Variants in MAN1A1 observed in about 807,000 individuals in gnomAD.
MAN1A1 encodes the protein mannosyl-oligosaccharide 1,2-alpha-mannosidase IA.
In MAN1A1, 29 loss-of-function variants were observed where a neutral mutation model predicts 70.8. That is an observed-to-expected ratio of 0.41 (90% CI 0.31 to 0.56). The LOEUF (loss-of-function observed/expected upper bound fraction) is 0.56, where lower values mean the gene tolerates loss of function less well. Among genes scored for constraint, MAN1A1 ranks in the 20% least tolerant of loss-of-function variants. MAN1A1 has a pLI of 0.29. For missense variants in MAN1A1, 747 were observed against 841.3 expected, an observed-to-expected ratio of 0.89 and a Z score of 1.39; for synonymous variants, 349 against 330.1, an observed-to-expected ratio of 1.06 and a Z score of -0.62.
chr6:119,179,872 G>T lies in MAN1A1; in HGVS notation c.1909C>A (p.Leu637Ile). The T allele has an allele frequency of 5.6e-6, 9 of 1,612,570 alleles. No individual in the cohort carries two copies. Among genetic ancestry groups the T allele is most frequent in the Non-Finnish European group, 5.1e-6 (6 of 1,178,676 alleles). Residue 637 changes from leucine (L) to isoleucine (I), a missense_variant, in exon 13 of 13, where the codon CTT becomes ATT. Leu to Ile is a conservative substitution (Grantham distance 5, BLOSUM62 2). Around this residue, in one of 2 missense-constraint regions of MAN1A1, gnomAD observed 419 missense variants for 548.2 expected, o/e 0.76. Transcript: ENST00000368468. Reference protein sequence around the residue: ...EHWIFNSEAHLLPILPKDKKE... With the variant: ...EHWIFNSEAHILPILPKDKKE... ...TTATCTTTAGGGAGGATAGGGAGAA[G>T]ATGTGCCTCGCTATTGAAGATCCAA... is the stretch of plus-strand genomic sequence containing the variant.
chr6:119,278,437 C>T (rs1335679208), intron 5 of MAN1A1, among the ~76,000 whole-genome samples: 1 of 152,144 alleles, frequency 6.6e-6, no homozygotes, highest in Non-Finnish European at 1.5e-5. Flanking sequence ...TTTCCCTCTG[C>T]TTTTTGTTTA....
At chr6:119,339,005 T>C (rs1221596724) in intron 2 of MAN1A1, among the ~76,000 whole-genome samples, 1 of 152,180 alleles carries the variant, frequency 6.6e-6, no homozygotes, top group African/African-American at 2.4e-5. Flanking sequence ...TCTGCCATCT[T>C]CTCTATCTTC....
chr6:119,193,929 G>C, intron 8 of MAN1A1, 37 bp from the exon 9 acceptor site: 1 of 1,370,888 alleles, frequency 7.3e-7, no homozygotes. Flanking sequence ...GAGTGATTCA[G>C]CTTTTAATTC....
At chr6:119,221,605 A>C (rs1332108291) in intron 6 of MAN1A1, among the ~76,000 whole-genome samples, 1 of 151,514 alleles carries the variant, frequency 6.6e-6, no homozygotes, top group Non-Finnish European at 1.5e-5. Flanking sequence ...CCCCAATACA[A>C]AAAAATACAG....
intron 7 of MAN1A1, among the ~76,000 whole-genome samples, chr6:119,203,105 C>T (rs973178734): frequency 1.3e-5 from 2 of 152,264 alleles, no homozygotes; most frequent in African/African-American, 2.4e-5. Context: ...TAAAACCTAC[C>T]TCATGGGCAG....
chr6:119,277,702 C>T (rs532104910), intron 5 of MAN1A1, among the ~76,000 whole-genome samples: 69 of 151,430 alleles, frequency 4.6e-4, no homozygotes, highest in African/African-American at 1.6e-3. Context: ...TTTGGGAGGC[C>T]GAGGTGGGTG....
rs185736115 is a variant in MAN1A1, at chr6:119,185,818, C to T, written c.1719+2587G>A. ...ATGGTCTCGATCTCCTGACCATGAT[C>T]ATGATCCACCCACTTTGGCCTCCCA... On this transcript the variant is annotated intron_variant, in intron 11 of 12. Transcript: ENST00000368468. Among the ~76,000 whole-genome samples, 622 of 148,704 alleles carry T rather than the reference C, an allele frequency of 4.2e-3. 1 individual carries two copies. The highest frequency in any genetic ancestry group is 7.6e-3 in the Admixed American group (113 of 14,892).
chr6:119,333,988 G>A (rs1773387626), intron 2 of MAN1A1, among the ~76,000 whole-genome samples: 1 of 152,194 alleles, frequency 6.6e-6, no homozygotes, highest in South Asian at 2.1e-4. Context: ...GCAAGAAGCA[G>A]ATGGAAAGCA....
At chr6:119,224,301 G>A (rs1371544353) in intron 6 of MAN1A1, among the ~76,000 whole-genome samples, 2 of 152,174 alleles carry the variant, frequency 1.3e-5, no homozygotes, top group Non-Finnish European at 2.9e-5. Context: ...CTGAATCCAT[G>A]CTCTACTCAG....
intron 4 of MAN1A1, among the ~76,000 whole-genome samples, chr6:119,293,976 C>T (rs961851749): frequency 6.6e-6 from 1 of 152,034 alleles, no homozygotes; most frequent in Non-Finnish European, 1.5e-5. Context: ...TAGCTGGTAA[C>T]GCACTCATCA....
In MAN1A1 at chr6:119,236,597, A is replaced by C. The variant is rs375273009; in HGVS notation, c.992+11663T>G. On this transcript the variant is annotated intron_variant, in intron 6 of 12. Transcript: ENST00000368468. Reference sequence around the variant, plus strand: ...GTGGTGGGTGCCTATAATCCCAGCTACTCGGGAGGTTGAGGCAGAAGAATG... The same window carrying C: ...GTGGTGGGTGCCTATAATCCCAGCTCCTCGGGAGGTTGAGGCAGAAGAATG... Among the ~76,000 whole-genome samples the C allele has an allele frequency of 3.2e-4, 48 of 151,188 alleles. 2 individuals carry two copies. The highest frequency in any genetic ancestry group is 2.5e-3 in the East Asian group (13 of 5,114).
chr6:119,339,601 T>G (rs1361139311), intron 2 of MAN1A1, among the ~76,000 whole-genome samples: 1 of 144,764 alleles, frequency 6.9e-6, no homozygotes, highest in Non-Finnish European at 1.5e-5. Flanking sequence ...GAAGGATTTG[T>G]TTTTTTTTTT....
chr6:119,288,167 TCTC>T (rs1289572975), intron 5 of MAN1A1, among the ~76,000 whole-genome samples: 2 of 151,938 alleles, frequency 1.3e-5, no homozygotes, highest in African/African-American at 2.4e-5. Flanking sequence ...TAGTACTTCT[TCTC>T]CTGCTTTTGC....
intron 8 of MAN1A1, among the ~76,000 whole-genome samples, chr6:119,198,091 T>G (rs1773621123): frequency 6.6e-6 from 1 of 152,206 alleles, no homozygotes. Flanking sequence ...CACCTTATAC[T>G]TAGAAAAATA....
chr6:119,228,588 C>G (rs755289863), intron 6 of MAN1A1, among the ~76,000 whole-genome samples: 1 of 151,924 alleles, frequency 6.6e-6, no homozygotes, highest in Non-Finnish European at 1.5e-5. Flanking sequence ...ATAGCTCAGA[C>G]TCTTTTAGAA....
At chr6:119,242,341 AAATAATTT>A (rs1775035931) in intron 6 of MAN1A1, among the ~76,000 whole-genome samples, 1 of 152,150 alleles carries the variant, frequency 6.6e-6, no homozygotes, top group Non-Finnish European at 1.5e-5. Flanking sequence ...GTTGGATCCC[AAATAATTT>A]AAAAAATAAT....
intron 2 of MAN1A1, among the ~76,000 whole-genome samples, chr6:119,334,233 T>C (rs1036268261): frequency 6.6e-6 from 1 of 152,180 alleles, no homozygotes; most frequent in African/African-American, 2.4e-5. Flanking sequence ...AATTCTAAGA[T>C]TGAAAAATAT....
rs769332859 is a variant in MAN1A1, at chr6:119,188,510, A to G, written c.1614T>C (p.Asn538=). 54 of 1,614,004 alleles carry G rather than the reference A, an allele frequency of 3.3e-5. No individual in the cohort carries two copies. In the South Asian group the frequency reaches 5.2e-4, roughly 15 times the overall value. The change falls in exon 11 of 13, where the codon AAT becomes AAC. Residue 538 remains asparagine (N), a synonymous_variant. Coordinates refer to ENST00000368468, the MANE Select transcript of MAN1A1 (RefSeq NM_005907.4). ...GGVEAIATRQ[N]EKYYILRPEV... is the part of the protein sequence containing the mutation. ...CTGGCCGTAAGATGTAGTATTTTTC[A>G]TTTTGTCTTGTAGCGATGGCTTCAA...
chr6:119,266,279 C>T (rs1775751441), intron 5 of MAN1A1, among the ~76,000 whole-genome samples: 1 of 152,096 alleles, frequency 6.6e-6, no homozygotes, highest in African/African-American at 2.4e-5. Flanking sequence ...GCAAAAGGTT[C>T]AAAATAGCCA....
Sources: allele counts gnomAD v4.1 joint callset (sites outside exome capture counted in the v4.1 genomes callset), GRCh38; gene constraint gnomAD v4.1.1; regional missense constraint gnomAD v4.1.1; transcripts MANE v1.5; gene names NCBI Gene and HGNC (gene_info 2026-07-23, HGNC 2026-07-21).